The following NUP214 variants were observed in gnomAD, a reference collection of about 807,000 sequenced individuals.
NUP214 encodes the protein nucleoporin 214, also known as nuclear pore complex protein Nup214.
In NUP214, 79 loss-of-function variants were observed where a neutral mutation model predicts 196.2. The observed-to-expected ratio is 0.40, with a 90% CI of 0.34 to 0.49. The LOEUF (loss-of-function observed/expected upper bound fraction) is 0.49, where lower values mean the gene tolerates loss of function less well. Among genes scored for constraint, NUP214 ranks in the 20% least tolerant of loss-of-function variants. The pLI is 0.58. For missense variants in NUP214, 2,468 were observed against 2,539.0 expected, an observed-to-expected ratio of 0.97 and a Z score of 0.60; for synonymous variants, 1,020 against 990.5, an observed-to-expected ratio of 1.03 and a Z score of -0.56.
intron 24 of NUP214, among the ~76,000 whole-genome samples, chr9:131,185,502 ATAT>A (rs1833428496): frequency 6.6e-6 from 1 of 152,170 alleles, no homozygotes; most frequent in Non-Finnish European, 1.5e-5. Context: ...TGAATTTCTG[ATAT>A]TTTTCAACTC....
At chr9:131,192,822 T>A (rs984762117) in intron 27 of NUP214, 1 of 152,034 alleles carries the variant, frequency 6.6e-6, no homozygotes, top group Admixed American at 6.6e-5. Flanking sequence ...ACTTCTATAG[T>A]CCCAGCCACT....
chr9:131,183,443 G>GTTAC (rs968809898), intron 24 of NUP214, among the ~76,000 whole-genome samples: 8 of 152,176 alleles, frequency 5.3e-5, no homozygotes, highest in Non-Finnish European at 2.9e-5. Flanking sequence ...TATACATATA[G>GTTAC]TTACCATTTC....
At chr9:131,212,529 T>C (rs954516467) in intron 30 of NUP214, among the ~76,000 whole-genome samples, 2 of 152,198 alleles carry the variant, frequency 1.3e-5, no homozygotes, top group East Asian at 1.9e-4. Context: ...TTTCCCTTTA[T>C]TTCTCAGACT....
chr9:131,218,356 T>C (rs1834461620), intron 31 of NUP214, among the ~76,000 whole-genome samples: 1 of 152,278 alleles, frequency 6.6e-6, no homozygotes, highest in East Asian at 1.9e-4. Flanking sequence ...GGGAGTCGTC[T>C]GGGGAAAGGC....
Position 131,234,123 on chromosome 9 carries a change from G to C in NUP214, c.*636G>C, listed in dbSNP as rs1383456230. 1 of 233,448 alleles carries C rather than the reference G, an allele frequency of 4.3e-6. No homozygotes were observed. The highest frequency in any genetic ancestry group is 2.2e-5 in the African/African-American group (1 of 45,344). 14.5% of individuals were successfully genotyped at this position (233,448 alleles called of 1,614,324 possible). A position where few individuals can be genotyped will look rare whatever the true frequency, so the allele number is the denominator to read the frequency against. ...CCAGCGTGAGGCAGGACAGTGCTGC[G>C]CCTTAGCCGGCCTTGGCTCTCATCT... On this transcript the variant is annotated 3_prime_UTR_variant, in exon 36 of 36. Transcript: ENST00000359428.
intron 32 of NUP214, among the ~76,000 whole-genome samples, chr9:131,224,224 T>C (rs373669871): frequency 6.6e-6 from 1 of 152,202 alleles, no homozygotes; most frequent in African/African-American, 2.4e-5. Flanking sequence ...TTTATAATCA[T>C]GTATGATGTA....
chr9:131,130,945 T>C, intron 5 of NUP214, 109 bp downstream of exon 5: 5 of 771,096 alleles, frequency 6.5e-6, no homozygotes, highest in Non-Finnish European at 1.1e-5. Flanking sequence ...TTTATACTCA[T>C]TGTAACAAAT....
chr9:131,197,628 G>C lies in NUP214; in HGVS notation c.4134G>C (p.Pro1378=), dbSNP rs771115847. 1 of 1,614,022 alleles carries C rather than the reference G, an allele frequency of 6.2e-7. No homozygotes were observed. Among genetic ancestry groups the C allele is most frequent in the Non-Finnish European group, 8.5e-7 (1 of 1,180,004 alleles). Residue 1378 remains proline, a synonymous_variant, in exon 29 of 36, where the codon CCG becomes CCC. Coordinates refer to ENST00000359428, the MANE Select transcript of NUP214 (RefSeq NM_005085.4). ...VPSGFNFTAP[P]VLGKHTEPPV... is the part of the protein sequence containing the mutation. ...CAGGGTTTAATTTTACTGCCCCCCCGGTGTTAGGGAAGCACACGGAGCCCC... is the reference window on the plus strand; with the variant it reads ...CAGGGTTTAATTTTACTGCCCCCCCCGTGTTAGGGAAGCACACGGAGCCCC...
Position 131,150,345 on chromosome 9 carries a change from G to A in NUP214, c.2062G>A (p.Val688Ile), listed in dbSNP as rs375826091. 4 of 1,614,052 alleles carry A rather than the reference G, an allele frequency of 2.5e-6. No individual in the cohort carries two copies. The South Asian group carries it at 3.3e-5, about 13-fold the overall frequency. ...TCAGGCAAAGTCACTTCAGCCTGCT[G>A]TTGCAGAAAAGCAGGGACATCAGTG... ...SPQAKSLQPA[V>I]AEKQGHQWKD... Residue 688 changes from valine (V) to isoleucine (I), a missense_variant, in exon 15 of 36, where the codon GTT becomes ATT. Physicochemically the swap from Val to Ile is conservative, Grantham distance 29. This residue lies in a region of NUP214 where 1,801 missense variants were observed against 1,779.4 expected (regional missense o/e 1.01). Coordinates refer to ENST00000359428, the MANE Select transcript of NUP214 (RefSeq NM_005085.4).
intron 27 of NUP214, among the ~76,000 whole-genome samples, chr9:131,193,629 C>CTTTTCTTTTTTTTTTTTTTTTT (rs1833678351): frequency 3.5e-5 from 1 of 28,220 alleles, no homozygotes; most frequent in Non-Finnish European, 6.5e-5. Context: ...TCTTCCTTTT[C>CTTTTCTTTTTTTTTTTTTTTTT]TTTTTTTTTT....
chr9:131,201,970 C>CT (rs1554739248), intron 30 of NUP214, among the ~76,000 whole-genome samples: 1 of 152,084 alleles, frequency 6.6e-6, no homozygotes, highest in African/African-American at 2.4e-5. Context: ...TGCCTGATTC[C>CT]TTTTTTCTTT....
At chr9:131,179,212 G>A (rs1833198988) in intron 24 of NUP214, among the ~76,000 whole-genome samples, 1 of 151,974 alleles carries the variant, frequency 6.6e-6, no homozygotes, top group African/African-American at 2.4e-5. Flanking sequence ...TGTCACCCCA[G>A]GCTGGTCTCA....
Position 131,150,710 on chromosome 9 carries a change from G to T in NUP214, c.2222G>T (p.Arg741Leu), listed in dbSNP as rs117680443. The T allele has an allele frequency of 2.6e-4, 423 of 1,614,148 alleles. 4 individuals carry two copies. The East Asian group carries it at 8.2e-3, about 31-fold the overall frequency. Residue 741 changes from arginine (R) to leucine (L), a missense_variant, in exon 16 of 36, where the codon CGA becomes CTA. By Grantham distance (102) the Arg-to-Leu change is moderately radical (BLOSUM62 -2). Around this residue, in one of 5 missense-constraint regions of NUP214, gnomAD observed 1,801 missense variants for 1,779.4 expected, o/e 1.01. Coordinates refer to ENST00000359428, the MANE Select transcript of NUP214 (RefSeq NM_005085.4). ...VGTSEEMKML[R>L]TESDDLHTFL... The stretch of plus-strand genomic sequence containing the variant: ...ACTTCTGAGGAGATGAAGATGCTGC[G>T]AACAGAATCAGATGACTTGCATACC...
rs1834897303 is a variant in NUP214 at position 131,232,165 on chromosome 9, G to A, written c.6215-119G>A. The A allele has an allele frequency of 2.1e-6, 2 of 970,574 alleles. No homozygotes were observed. Among genetic ancestry groups the A allele is most frequent in the Admixed American group, 3.5e-5 (2 of 57,352 alleles). 60.1% of individuals were successfully genotyped at this position (970,574 alleles called of 1,614,324 possible). A position where few individuals can be genotyped will look rare whatever the true frequency, so the allele number is the denominator to read the frequency against. On this transcript the variant is annotated intron_variant, in intron 34 of 35. Coordinates refer to ENST00000359428, the MANE Select transcript of NUP214 (RefSeq NM_005085.4). The surrounding 1 kb of genome is among the most constrained non-coding windows in gnomAD (Gnocchi z 5.1). Reference sequence around the variant, plus strand: ...TACCTTTCCTGCCTTCCTGTAGGTGGTGGAGGCACGGAGGGCTTCCCACAA... The same window carrying A: ...TACCTTTCCTGCCTTCCTGTAGGTGATGGAGGCACGGAGGGCTTCCCACAA...
In NUP214 at chr9:131,233,630, C is replaced by T. The variant is rs536722722; in HGVS notation, c.*143C>T. On this transcript the variant is annotated 3_prime_UTR_variant, in exon 36 of 36. Coordinates refer to ENST00000359428, the MANE Select transcript of NUP214 (RefSeq NM_005085.4). Reference sequence around the variant, plus strand: ...AAGAAACAACAGAAACCAAAACTCACAAGGCGCATGATTACTTGTTTTATA... The same window carrying T: ...AAGAAACAACAGAAACCAAAACTCATAAGGCGCATGATTACTTGTTTTATA... 3 of 842,842 alleles carry T rather than the reference C, an allele frequency of 3.6e-6. No individual in the cohort carries two copies. Among genetic ancestry groups the T allele is most frequent in the African/African-American group, 1.7e-5 (1 of 59,782 alleles). The allele number at this position is 842,842 out of a possible 1,614,324, so 52.2% of individuals were successfully genotyped here. A position where few individuals can be genotyped will look rare whatever the true frequency, so the allele number is the denominator to read the frequency against.
intron 9 of NUP214, among the ~76,000 whole-genome samples, chr9:131,138,241 C>T (rs1165795654): frequency 6.7e-6 from 1 of 149,098 alleles, no homozygotes. Context: ...CTCCTCCCCT[C>T]CCCTCCCCTC....
intron 8 of NUP214, among the ~76,000 whole-genome samples, chr9:131,135,633 C>T (rs1298828035): frequency 6.6e-6 from 1 of 152,172 alleles, no homozygotes; most frequent in Non-Finnish European, 1.5e-5. Context: ...GCAAAGCTTC[C>T]ATCCCTCTAG....
At chr9:131,190,561 G>T in intron 26 of NUP214, 1 of 619,584 alleles carries the variant, frequency 1.6e-6, no homozygotes, top group Non-Finnish European at 2.8e-6. Context: ...TTTGCAAAAA[G>T]TTTCTTTTTG....
At chr9:131,155,977 T>C (rs1832423805) in intron 17 of NUP214, among the ~76,000 whole-genome samples, 1 of 152,120 alleles carries the variant, frequency 6.6e-6, no homozygotes, top group South Asian at 2.1e-4. Context: ...TTTTTAGTTT[T>C]ATATGAATTT....
Sources: allele counts gnomAD v4.1 joint callset (sites outside exome capture counted in the v4.1 genomes callset), GRCh38; gene constraint gnomAD v4.1.1; regional missense constraint gnomAD v4.1.1; non-coding constraint Gnocchi (gnomAD v3.1); transcripts MANE v1.5; gene names NCBI Gene and HGNC (gene_info 2026-07-23, HGNC 2026-07-21).